MMP26: variants seen among roughly 807,000 people sequenced by gnomAD.
MMP26 encodes the protein matrix metallopeptidase 26.
In MMP26, 33 loss-of-function variants were observed where a neutral mutation model predicts 31.0. The observed-to-expected ratio is 1.06, with a 90% CI of 0.81 to 1.42. The LOEUF is 1.42. Among genes scored for constraint, MMP26 ranks in the 40% most tolerant of loss-of-function variants. MMP26 has a pLI of 0.00. For synonymous variants in MMP26, 122 were observed against 114.9 expected (o/e 1.06, Z -0.40); for missense variants, 347 against 316.1 (o/e 1.10, Z -0.74).
At chr11:4,846,102 C>T (rs1274214755) in intron 2 of MMP26, among the ~76,000 whole-genome samples, 1 of 152,162 alleles carries the variant, frequency 6.6e-6, no homozygotes, top group African/African-American at 2.4e-5. Context: ...ATCTGCACTC[C>T]CATGTTTGCT....
At position 4,804,800 on chromosome 11, in the gene MMP26, A is replaced by AAAAAAAC. The variant is rs1181631263; in HGVS notation, c.-145+37459_-145+37460insAAAAAAC. On this transcript the variant is annotated intron_variant, in intron 2 of 7. Transcript: ENST00000380390. The stretch of plus-strand genomic sequence containing the variant: ...TTTCTATTAAAAATACAAAAACAAA[A>AAAAAAAC]CAAAACAAAAAAAAACCCCATTAGC... Among the ~76,000 whole-genome samples the AAAAAAAC allele has an allele frequency of 3.7e-4, 52 of 140,242 alleles. 1 individual carries two copies. Among genetic ancestry groups the AAAAAAAC allele is most frequent in the African/African-American group, 4.4e-4 (16 of 36,434 alleles). 92.0% of individuals were successfully genotyped at this position (140,242 alleles called of 152,430 possible).
chr11:4,846,691 AC>A (rs1849873078), intron 2 of MMP26, among the ~76,000 whole-genome samples: 1 of 152,186 alleles, frequency 6.6e-6, no homozygotes, highest in Non-Finnish European at 1.5e-5. Context: ...CCTACTGTGT[AC>A]CCACAAAAAT....
intron 2 of MMP26, chr11:4,914,444 C>T (rs1851041494): frequency 2.6e-6 from 1 of 381,156 alleles, no homozygotes; most frequent in East Asian, 4.6e-5. Flanking sequence ...GACCCTATCT[C>T]TTTATGAGGA....
At chr11:4,965,972 A>G (rs1283380695) in intron 2 of MMP26, among the ~76,000 whole-genome samples, 2 of 152,176 alleles carry the variant, frequency 1.3e-5, no homozygotes, top group African/African-American at 4.8e-5. Context: ...AACATCTTTA[A>G]TGGATTTTTT....
intron 2 of MMP26, among the ~76,000 whole-genome samples, chr11:4,817,093 A>AT (rs71468011): frequency 6.6e-6 from 1 of 151,754 alleles, no homozygotes; most frequent in Non-Finnish European, 1.5e-5. Context: ...TATTTTAATA[A>AT]TTTTTTTGTT....
chr11:4,927,064 G>C (rs548258933), intron 2 of MMP26, among the ~76,000 whole-genome samples: 5 of 152,262 alleles, frequency 3.3e-5, no homozygotes, highest in African/African-American at 1.2e-4. Context: ...TGTCCTTTCA[G>C]CTCTAATTTA....
At chr11:4,926,341 G>A (rs747802684) in intron 2 of MMP26, among the ~76,000 whole-genome samples, 8 of 152,194 alleles carry the variant, frequency 5.3e-5, no homozygotes, top group Non-Finnish European at 1.0e-4. Flanking sequence ...AGGATTTGCA[G>A]AGTTTGCTGT....
At chr11:4,849,864 G>A (rs1298199557) in intron 2 of MMP26, among the ~76,000 whole-genome samples, 1 of 152,072 alleles carries the variant, frequency 6.6e-6, no homozygotes, top group Non-Finnish European at 1.5e-5. Flanking sequence ...TTATTGAAAT[G>A]TAATAATTGC....
At chr11:4,789,953 T>G (rs1849001310) in intron 2 of MMP26, among the ~76,000 whole-genome samples, 1 of 152,130 alleles carries the variant, frequency 6.6e-6, no homozygotes, top group Admixed American at 6.5e-5. Flanking sequence ...ATAAGAAGAT[T>G]GCATGTATAA....
At chr11:4,977,051 A>C (rs1391880096) in intron 2 of MMP26, among the ~76,000 whole-genome samples, 1 of 151,776 alleles carries the variant, frequency 6.6e-6, no homozygotes, top group Non-Finnish European at 1.5e-5. Context: ...CCCTTTGTTC[A>C]TTTTTTAAAT....
intron 2 of MMP26, chr11:4,889,609 A>G (rs948742105): frequency 6.6e-6 from 1 of 152,224 alleles, no homozygotes; most frequent in African/African-American, 2.4e-5. Flanking sequence ...CAGTTTTCCT[A>G]AAACTTTTTC....
At chr11:4,966,622 C>T (rs184373619) in intron 2 of MMP26, among the ~76,000 whole-genome samples, 2 of 152,184 alleles carry the variant, frequency 1.3e-5, no homozygotes, top group African/African-American at 2.4e-5. Context: ...GTCATCAACC[C>T]TCTTGTTCAA....
At chr11:4,727,534 G>C (rs1484819082) in intron 1 of MMP26, among the ~76,000 whole-genome samples, 1 of 152,150 alleles carries the variant, frequency 6.6e-6, no homozygotes, top group Admixed American at 6.5e-5. Context: ...ACTTGGCTGG[G>C]CACGGTGGCT....
At position 4,877,641 on chromosome 11, in the gene MMP26, C is replaced by G. The variant is rs1423079349; in HGVS notation, c.-145+110300C>G. 3 of 152,142 alleles carry G rather than the reference C, an allele frequency of 2.0e-5. No homozygotes were observed. The East Asian group carries it at 5.8e-4, about 29-fold the overall frequency. 9.4% of individuals were successfully genotyped at this position (152,142 alleles called of 1,614,324 possible). ...TTTAGTAACTAGTAGCTGTACATGG[C>G]TATTAATTGCTTGAAATTTTGCTAG... is the stretch of plus-strand genomic sequence containing the variant. On this transcript the variant is annotated intron_variant, in intron 2 of 7. Coordinates refer to ENST00000380390, the MANE Select transcript of MMP26 (RefSeq NM_021801.5).
intron 1 of MMP26, among the ~76,000 whole-genome samples, chr11:4,727,944 C>T (rs747365058): frequency 8.5e-5 from 13 of 152,166 alleles, no homozygotes; most frequent in African/African-American, 3.1e-4. Flanking sequence ...AAAAATGTCA[C>T]AACACTGCTG....
At chr11:4,988,876 A>T (rs1846947142) in intron 3 of MMP26, among the ~76,000 whole-genome samples, 1 of 152,244 alleles carries the variant, frequency 6.6e-6, no homozygotes, top group Non-Finnish European at 1.5e-5. Context: ...GAACAATACA[A>T]TAAGTCATTT....
At chr11:4,911,187 G>T (rs1187407723) in intron 2 of MMP26, among the ~76,000 whole-genome samples, 8 of 152,114 alleles carry the variant, frequency 5.3e-5, no homozygotes, top group Admixed American at 4.6e-4. Flanking sequence ...TATTTATAAT[G>T]GTCTTTGTCA....
intron 2 of MMP26, among the ~76,000 whole-genome samples, chr11:4,983,519 CAGA>C (rs1214971606): frequency 2.0e-5 from 3 of 152,090 alleles, no homozygotes; most frequent in Admixed American, 6.5e-5. Flanking sequence ...TCATTTCTTC[CAGA>C]AGGAGATGGG....
intron 2 of MMP26, among the ~76,000 whole-genome samples, chr11:4,774,833 A>AT (rs1564906833): frequency 6.6e-6 from 1 of 151,890 alleles, no homozygotes; most frequent in Admixed American, 6.6e-5. Context: ...TCCAGTTTCA[A>AT]TTTTTTGCAA....
Sources: allele counts gnomAD v4.1 joint callset (sites outside exome capture counted in the v4.1 genomes callset), GRCh38; gene constraint gnomAD v4.1.1; transcripts MANE v1.5; gene names NCBI Gene and HGNC (gene_info 2026-07-23, HGNC 2026-07-21).